Variants in ZDHHC23 observed in about 807,000 individuals in gnomAD.
The protein encoded by ZDHHC23 is zDHHC palmitoyltransferase 23, also known as palmitoyltransferase ZDHHC23.
In ZDHHC23, 41 loss-of-function variants were observed where a neutral mutation model predicts 40.2. The ratio of observed to expected loss-of-function variants is 1.02; its 90% CI spans 0.79 to 1.32. ZDHHC23 has a LOEUF of 1.32. ZDHHC23 is among the 40% of genes most tolerant of loss of function. The pLI is 0.00. For synonymous variants in ZDHHC23, 204 were observed against 210.2 expected (o/e 0.97, Z 0.26); for missense variants, 471 against 541.5 (o/e 0.87, Z 1.29).
At chr3:113,972,073 T>G in the ZDHHC23 span, among the ~76,000 whole-genome samples, 1 of 152,094 alleles carries the variant, frequency 6.6e-6, no homozygotes, top group African/African-American at 2.4e-5. Context: ...TCAATTCATT[T>G]ATTTCTGCTT....
downstream of ZDHHC23, among the ~76,000 whole-genome samples, chr3:113,966,487 G>C (rs1021700782): frequency 2.0e-5 from 3 of 152,172 alleles, no homozygotes; most frequent in African/African-American, 7.2e-5. Flanking sequence ...TGGTGGTGAG[G>C]AGCAGACCTT....
chr3:113,951,938 G>A (rs780586766), intron 2 of ZDHHC23, among the ~76,000 whole-genome samples: 4 of 152,148 alleles, frequency 2.6e-5, no homozygotes, highest in African/African-American at 4.8e-5. Context: ...AGGAGTTCAA[G>A]ACCAGCCTGA....
At chr3:113,978,072 T>C in the ZDHHC23 span, 1 of 1,190,482 alleles carries the variant, frequency 8.4e-7, no homozygotes, top group Non-Finnish European at 1.2e-6. Flanking sequence ...TGACTGGTGT[T>C]TCCCCGCTCT....
chr3:113,979,091 C>A, the ZDHHC23 span: 1 of 1,306,854 alleles, frequency 7.7e-7, no homozygotes, highest in Non-Finnish European at 1.1e-6. Flanking sequence ...GGAAATGATG[C>A]TATAAAACAC....
In ZDHHC23 at chr3:113,954,104, A is replaced by C. The variant is rs751118612; in HGVS notation, c.566A>C (p.Lys189Thr). Residue 189 changes from lysine (K) to threonine (T), a missense_variant, in exon 3 of 5, where the codon AAG becomes ACG. By Grantham distance (78) the Lys-to-Thr change is moderately conservative (BLOSUM62 -1). Around this residue, in one of 3 missense-constraint regions of ZDHHC23, gnomAD observed 346 missense variants for 399.8 expected, o/e 0.87. Transcript: ENST00000638807. The stretch of plus-strand genomic sequence containing the variant: ...ATACTCTTAGCCTTGCACAGAGCCA[A>C]GAAGAATCCAGGCTACCTCAGCAAT... ...FLILLALHRA[K>T]KNPGYLSNPA... The C allele has an allele frequency of 3.1e-6, 5 of 1,614,228 alleles. No individual in the cohort carries two copies. The highest frequency in any genetic ancestry group is 4.2e-6 in the Non-Finnish European group (5 of 1,180,048).
At chr3:113,966,626 T>C (rs1421567508), downstream of ZDHHC23, among the ~76,000 whole-genome samples, 1 of 152,108 alleles carries the variant, frequency 6.6e-6, no homozygotes, top group Admixed American at 6.6e-5. Context: ...GTTACAGTGT[T>C]GAAACGAAGT....
chr3:113,960,870 T>TG lies in ZDHHC23; in HGVS notation c.*2241dup. The stretch of plus-strand genomic sequence containing the variant: ...CAGAATGCTTAAACCTGTCAAAAGA[T>TG]GAGTGATCTTGTGTGGGAAAAGCCT... On this transcript the variant is annotated 3_prime_UTR_variant, in exon 5 of 5. Coordinates refer to ENST00000638807, the MANE Select transcript of ZDHHC23 (RefSeq NM_001320466.2). The TG allele has an allele frequency of 5.2e-6, 7 of 1,357,476 alleles. No homozygotes were observed. The highest frequency in any genetic ancestry group is 6.8e-6 in the Non-Finnish European group (7 of 1,028,094). 84.1% of individuals were successfully genotyped at this position (1,357,476 alleles called of 1,614,324 possible). A position where few individuals can be genotyped will look rare whatever the true frequency, so the allele number is the denominator to read the frequency against.
At chr3:113,969,330 T>C (rs539987724), downstream of ZDHHC23, among the ~76,000 whole-genome samples, 1 of 152,354 alleles carries the variant, frequency 6.6e-6, no homozygotes, top group African/African-American at 2.4e-5. Flanking sequence ...TTTCCTTTGC[T>C]GTGCAGAAAC....
chr3:113,971,326 G>A, the ZDHHC23 span, among the ~76,000 whole-genome samples: 2 of 152,178 alleles, frequency 1.3e-5, no homozygotes, highest in African/African-American at 4.8e-5. Context: ...GTGATGATGA[G>A]CATTTTTTCT....
the ZDHHC23 span, among the ~76,000 whole-genome samples, chr3:113,971,025 CAT>C: frequency 4.7e-3 from 721 of 152,130 alleles, 7 homozygotes; most frequent in African/African-American, 0.016. Flanking sequence ...CCGCAATAAA[CAT>C]GTGTGCATGT....
Position 113,958,869 on chromosome 3 carries a change from T to C in ZDHHC23, c.*239T>C, listed in dbSNP as rs1022832222. The stretch of plus-strand genomic sequence containing the variant: ...CCAGTCACCTTTTTAATTGACTCAG[T>C]TGCCTGAACTTGAGAAGGATGTGGA... On this transcript the variant is annotated 3_prime_UTR_variant, in exon 5 of 5. Coordinates refer to ENST00000638807, the MANE Select transcript of ZDHHC23 (RefSeq NM_001320466.2). The C allele has an allele frequency of 7.6e-7, 1 of 1,324,382 alleles. No individual in the cohort carries two copies. Among genetic ancestry groups the C allele is most frequent in the African/African-American group, 1.5e-5 (1 of 67,210 alleles). 82.0% of individuals were successfully genotyped at this position (1,324,382 alleles called of 1,614,324 possible).
chr3:113,975,964 G>C, the ZDHHC23 span, among the ~76,000 whole-genome samples: 2 of 152,006 alleles, frequency 1.3e-5, no homozygotes, highest in African/African-American at 4.8e-5. Flanking sequence ...CTATTTTATA[G>C]TCTAAAAATG....
intron 1 of ZDHHC23, 43 bp from the exon 2 acceptor site, chr3:113,948,643 C>G: frequency 1.3e-6 from 1 of 793,630 alleles, no homozygotes; most frequent in South Asian, 2.0e-5. Context: ...CTGATGAAAA[C>G]GGGACCCCCT....
At position 113,959,510 on chromosome 3, in the gene ZDHHC23, T is replaced by C. The variant is rs2107514381; in HGVS notation, c.*880T>C. The C allele has an allele frequency of 3.1e-6, 4 of 1,277,854 alleles. No homozygotes were observed. In the South Asian group the frequency reaches 5.0e-5, roughly 16 times the overall value. The allele number at this position is 1,277,854 out of a possible 1,614,324, so 79.2% of individuals were successfully genotyped here. The stretch of plus-strand genomic sequence containing the variant: ...CATTCATGTGTTTTTCCTCTTCCCA[T>C]GTTTCACCAGGTAAGGTGCTAGCAC... On this transcript the variant is annotated 3_prime_UTR_variant, in exon 5 of 5. Transcript: ENST00000638807.
At chr3:113,955,359 CGTGTGTGTGTGTGTGTGT>C (rs68123933) in intron 3 of ZDHHC23, among the ~76,000 whole-genome samples, 34 of 147,522 alleles carry the variant, frequency 2.3e-4, no homozygotes, top group Admixed American at 7.4e-4. Context: ...TTCACTTATT[CGTGTGTGTGTGTGTGTGT>C]GTGTGTGTGT....
Position 113,958,570 on chromosome 3 carries a change from G to A in ZDHHC23, c.1248G>A (p.Trp416Ter). The part of the protein sequence containing the change: ...GQYNRGFLRN[W>*]HQFSTLGTRA... ...ACAATAGGGGCTTCCTGCGGAACTGGCACCAGTTCTCCACCCTGGGCACAC... is the reference window on the plus strand; with the variant it reads ...ACAATAGGGGCTTCCTGCGGAACTGACACCAGTTCTCCACCCTGGGCACAC... The change falls in exon 5 of 5, where the codon TGG becomes TGA. Residue 416 changes from tryptophan to a stop codon, truncating the protein, a stop_gained. Transcript: ENST00000638807. LOFTEE classifies it high-confidence loss of function. 6.2e-7 allele frequency: 1 copy of A among 1,609,776 alleles called. No individual in the cohort carries two copies. The highest frequency in any genetic ancestry group is 8.5e-7 in the Non-Finnish European group (1 of 1,179,966).
At chr3:113,965,157 A>G, downstream of ZDHHC23, 1 of 1,593,526 alleles carries the variant, frequency 6.3e-7, no homozygotes. Context: ...AATCTGGCTC[A>G]TTCGTTCACC....
In ZDHHC23 at chr3:113,953,898, T is replaced by G; in HGVS notation, c.360T>G (p.Leu120=). ...FLLGVVVLTS[L]PVLALWYYYL... is the part of the protein sequence containing the mutation. The stretch of plus-strand genomic sequence containing the variant: ...TGGGGGTGGTGGTTTTGACCTCCCT[T>G]CCTGTGCTGGCACTGTGGTACTACT... Residue 120 remains leucine (L), a synonymous_variant, in exon 3 of 5, where the codon CTT becomes CTG. Coordinates refer to ENST00000638807, the MANE Select transcript of ZDHHC23 (RefSeq NM_001320466.2). 6.2e-7 allele frequency: 1 copy of G among 1,614,160 alleles called. No individual in the cohort carries two copies. Among genetic ancestry groups the G allele is most frequent in the Non-Finnish European group, 8.5e-7 (1 of 1,180,012 alleles).
chr3:113,971,825 G>A, the ZDHHC23 span, among the ~76,000 whole-genome samples: 3 of 151,986 alleles, frequency 2.0e-5, no homozygotes, highest in Non-Finnish European at 4.4e-5. Context: ...TCTTTTAGGT[G>A]AGACTTTTTA....
Sources: gnomAD v4.1 joint callset for allele counts (sites outside exome capture counted in the v4.1 genomes callset) on GRCh38, gnomAD v4.1.1 for gene constraint, gnomAD v4.1.1 regional missense constraint, MANE v1.5 for transcripts, NCBI Gene and HGNC (gene_info 2026-07-23, HGNC 2026-07-21) for gene names.